The following CRLS1 variants were observed in gnomAD, a reference collection of about 807,000 sequenced individuals.
The protein encoded by CRLS1 is cardiolipin synthase (CMP-forming).
In CRLS1, 24 loss-of-function variants were observed where a neutral mutation model predicts 37.0. The observed-to-expected ratio is 0.65, with a 90% CI of 0.47 to 0.91. The LOEUF (loss-of-function observed/expected upper bound fraction) is 0.91, where lower values mean the gene tolerates loss of function less well. Ranked by LOEUF, CRLS1 falls within the 40% of genes least tolerant of loss-of-function variation. The probability of loss-of-function intolerance (pLI) is 0.00; values close to 1 mark genes in which losing one functional copy is unlikely to be tolerated. For synonymous variants in CRLS1, 135 were observed against 159.7 expected (o/e 0.85, Z 1.17); for missense variants, 373 against 395.8 (o/e 0.94, Z 0.49).
chr20:6,031,129 T>C, intron 3 of CRLS1, 156 bp from the exon 4 acceptor site: 1 of 494,278 alleles, frequency 2.0e-6, no homozygotes, highest in South Asian at 4.0e-5. Flanking sequence ...TAGTTTGCTA[T>C]AGGGGACCCT....
At chr20:6,021,736 C>T (rs1248288897) in intron 3 of CRLS1, among the ~76,000 whole-genome samples, 1 of 152,042 alleles carries the variant, frequency 6.6e-6, no homozygotes, top group Non-Finnish European at 1.5e-5. Flanking sequence ...TTCATTCAGT[C>T]TTTTATTTTA....
intron 3 of CRLS1, among the ~76,000 whole-genome samples, chr20:6,026,787 G>A (rs79799816): frequency 0.016 from 2,488 of 152,228 alleles, 76 homozygotes; most frequent in African/African-American, 0.056. Flanking sequence ...TCCCACCAGG[G>A]TTTTGGGAGC....
At position 6,039,257 on chromosome 20, in the gene CRLS1, TTGTTTGTGTGTGTGTGTG is replaced by T. The variant is rs768869618; in HGVS notation, c.*2103_*2120del. 2.3e-5 allele frequency: 3 copies of T among 128,668 alleles called. No homozygotes were observed. The highest frequency in any genetic ancestry group is 2.6e-4 in the South Asian group (1 of 3,862). 8.0% of individuals were successfully genotyped at this position (128,668 alleles called of 1,614,324 possible). ...TGCACACCAACTGTGCTTTGCAGTT[TTGTTTGTGTGTGTGTGTG>T]TGTGTGTGTGTGTGTGTGTGTGTGT... On this transcript the variant is annotated 3_prime_UTR_variant, in exon 7 of 7. Transcript: ENST00000378863.
chr20:6,037,156 TG>T lies in CRLS1; in HGVS notation c.905del (p.Ter302TyrfsTer49). ...GRKTVQVIKD* is the reference protein window; with the variant it reads ...GRKTVQVIKDX Reference sequence around the variant, plus strand: ...GAAGACTGTTCAGGTGATAAAAGACTGATGAAAGTCATCCCTCACTGTTAGT... The same window carrying T: ...GAAGACTGTTCAGGTGATAAAAGACTATGAAAGTCATCCCTCACTGTTAGT... On this transcript the variant is annotated frameshift_variant and stop_lost, in exon 7 of 7. Coordinates refer to ENST00000378863, the MANE Select transcript of CRLS1 (RefSeq NM_019095.6). LOFTEE classifies it high-confidence loss of function. 1 of 1,609,182 alleles carries T rather than the reference TG, an allele frequency of 6.2e-7. No homozygotes were observed. Among genetic ancestry groups the T allele is most frequent in the Non-Finnish European group, 8.5e-7 (1 of 1,175,880 alleles).
intron 5 of CRLS1, among the ~76,000 whole-genome samples, chr20:6,032,292 C>A (rs1980222688): frequency 6.6e-6 from 1 of 150,544 alleles, no homozygotes; most frequent in Non-Finnish European, 1.5e-5. Flanking sequence ...AGTTGGTGGT[C>A]TGAGAGTTTA....
intron 3 of CRLS1, among the ~76,000 whole-genome samples, chr20:6,030,542 G>A (rs969863585): frequency 7.9e-5 from 12 of 152,042 alleles, no homozygotes; most frequent in Non-Finnish European, 1.3e-4. Context: ...GGACAACATG[G>A]TGAAATCCCT....
At position 6,009,863 on chromosome 20, in the gene CRLS1, A is replaced by AT; in HGVS notation, c.399dup (p.Asn134Ter). 2 of 1,614,078 alleles carry AT rather than the reference A, an allele frequency of 1.2e-6. No homozygotes were observed. Among genetic ancestry groups the AT allele is most frequent in the Non-Finnish European group, 1.7e-6 (2 of 1,179,972 alleles). ...CTGGGCTATTTGATTATTGAAGAAG[A>AT]TTTTAATATTGCACTAGGAGTTTTT... On this transcript the variant is annotated frameshift_variant, in exon 2 of 7. Transcript: ENST00000378863.
intron 1 of CRLS1, among the ~76,000 whole-genome samples, chr20:6,007,792 T>C (rs189363656): frequency 6.6e-6 from 1 of 152,344 alleles, no homozygotes; most frequent in African/African-American, 2.4e-5. Flanking sequence ...TCAACAGACT[T>C]ATCTTTTTTC....
chr20:6,037,192 G>GTA lies in CRLS1; in HGVS notation c.*37_*38dup. On this transcript the variant is annotated 3_prime_UTR_variant, in exon 7 of 7. Coordinates refer to ENST00000378863, the MANE Select transcript of CRLS1 (RefSeq NM_019095.6). ...ATCCCTCACTGTTAGTAAGGAAGCA[G>GTA]TATACATCAATGGGAACAGGGCCCA... The GTA allele has an allele frequency of 6.6e-7, 1 of 1,507,468 alleles. No homozygotes were observed. Among genetic ancestry groups the GTA allele is most frequent in the Non-Finnish European group, 9.2e-7 (1 of 1,084,876 alleles). 93.4% of individuals were successfully genotyped at this position (1,507,468 alleles called of 1,614,324 possible).
At chr20:6,007,078 T>A (rs2090067133) in intron 1 of CRLS1, among the ~76,000 whole-genome samples, 1 of 152,240 alleles carries the variant, frequency 6.6e-6, no homozygotes, top group Admixed American at 6.5e-5. Context: ...AGATTTAAAC[T>A]ATTCTTGAGG....
intron 1 of CRLS1, among the ~76,000 whole-genome samples, chr20:6,009,037 A>G (rs1458077641): frequency 1.3e-5 from 2 of 152,230 alleles, no homozygotes; most frequent in African/African-American, 4.8e-5. Context: ...AAGAAAACCT[A>G]TAATAGGCCG....
chr20:6,005,965 G>C (rs1427385005), upstream of CRLS1: 1 of 288,060 alleles, frequency 3.5e-6, no homozygotes, highest in South Asian at 1.6e-4. Context: ...CGTACCCGCT[G>C]CTTCCCAAAA....
intron 1 of CRLS1, chr20:6,007,537 C>T: frequency 1.1e-6 from 1 of 905,582 alleles, no homozygotes; most frequent in South Asian, 1.4e-5. Flanking sequence ...AAAAGAACTC[C>T]CTTCACTGTT....
At chr20:6,012,884 A>T (rs1159015222) in intron 2 of CRLS1, among the ~76,000 whole-genome samples, 3 of 152,188 alleles carry the variant, frequency 2.0e-5, no homozygotes, top group Non-Finnish European at 4.4e-5. Context: ...TTAGGCAGTG[A>T]GATTTCCCAG....
chr20:6,016,275 G>A (rs957449839), intron 3 of CRLS1, among the ~76,000 whole-genome samples: 7 of 152,072 alleles, frequency 4.6e-5, no homozygotes, highest in African/African-American at 1.7e-4. Context: ...ATTGACACTT[G>A]GTAGAAAGAA....
At chr20:6,031,251 T>A in intron 3 of CRLS1, 34 bp from the exon 4 acceptor site, 1 of 1,432,114 alleles carries the variant, frequency 7.0e-7, no homozygotes, top group Admixed American at 1.7e-5. Context: ...CTCTTCAGAA[T>A]CCCAGTTAAA....
intron 2 of CRLS1, among the ~76,000 whole-genome samples, chr20:6,010,828 A>C (rs2090122484): frequency 6.6e-6 from 1 of 152,336 alleles, no homozygotes; most frequent in Admixed American, 6.5e-5. Flanking sequence ...ATCAACCTGC[A>C]CAACATAGCA....
At chr20:6,015,032 T>C (rs1468300083) in intron 2 of CRLS1, among the ~76,000 whole-genome samples, 1 of 152,186 alleles carries the variant, frequency 6.6e-6, no homozygotes, top group African/African-American at 2.4e-5. Flanking sequence ...TTTGGGTTCT[T>C]TATAGCTGTA....
rs756878474 is a variant in CRLS1, at chr20:6,031,278, T to C, written c.575-7T>C. 2 of 1,589,704 alleles carry C rather than the reference T, an allele frequency of 1.3e-6. No individual in the cohort carries two copies. Among genetic ancestry groups the C allele is most frequent in the Admixed American group, 3.4e-5 (2 of 58,064 alleles). On this transcript the variant is annotated splice_region_variant and splice_polypyrimidine_tract_variant and intron_variant, in intron 3 of 6. Coordinates refer to ENST00000378863, the MANE Select transcript of CRLS1 (RefSeq NM_019095.6). Reference sequence around the variant, plus strand: ...CCAGTTAAAATTATTTTATGTTTGATTTTCAGTTCCACTTACTTACATGAT... The same window carrying C: ...CCAGTTAAAATTATTTTATGTTTGACTTTCAGTTCCACTTACTTACATGAT...
Sources: allele counts gnomAD v4.1 joint callset (sites outside exome capture counted in the v4.1 genomes callset), GRCh38; gene constraint gnomAD v4.1.1; transcripts MANE v1.5; gene names NCBI Gene and HGNC (gene_info 2026-07-23, HGNC 2026-07-21).